TRIP12: variants seen among roughly 807,000 people sequenced by gnomAD.
TRIP12 encodes the protein E3 ubiquitin-protein ligase TRIP12.
In TRIP12, 25 loss-of-function variants were observed where a neutral mutation model predicts 244.2. The observed-to-expected ratio is 0.10, with a 90% CI of 0.07 to 0.14. The LOEUF is 0.14. Among genes scored for constraint, TRIP12 ranks in the 10% least tolerant of loss-of-function variants. The pLI is 1.00. For missense variants in TRIP12, 1,677 were observed against 2,486.4 expected, an observed-to-expected ratio of 0.67 and a Z score of 6.92; for synonymous variants, 905 against 873.1, an observed-to-expected ratio of 1.04 and a Z score of -0.64.
In TRIP12 at chr2:229,796,635, C is replaced by T. The variant is rs2042888781; in HGVS notation, c.3772G>A (p.Glu1258Lys). ...TGAAGAAATCGCTTTAATCTGATCT[C>T]TCTGCTCACAGCATCCTTTTCACTT... ...SKSEKDAVSR[E>K]IRLKRFLHVF... The change falls in exon 25 of 42, where the codon GAG becomes AAG. Residue 1258 changes from glutamate to lysine, a missense_variant. By Grantham distance (56) the Glu-to-Lys change is moderately conservative (BLOSUM62 1). Coordinates refer to ENST00000675903, the MANE Select transcript of TRIP12 (RefSeq NM_001348323.3). 1.2e-6 allele frequency: 2 copies of T among 1,611,062 alleles called. No individual in the cohort carries two copies. The highest frequency in any genetic ancestry group is 8.5e-7 in the Non-Finnish European group (1 of 1,179,240).
chr2:229,918,867 G>T (rs1228609244), intron 1 of TRIP12, among the ~76,000 whole-genome samples: 1 of 151,652 alleles, frequency 6.6e-6, no homozygotes, highest in Non-Finnish European at 1.5e-5. Flanking sequence ...TTAGCATGTT[G>T]TTTTTTTTCA....
intron 1 of TRIP12, among the ~76,000 whole-genome samples, chr2:229,889,186 A>T (rs2066753027): frequency 6.6e-6 from 1 of 152,246 alleles, no homozygotes; most frequent in Non-Finnish European, 1.5e-5. Flanking sequence ...GACAACTCCA[A>T]GTAAGGAAGT....
chr2:229,772,311 C>T (rs1249701361), intron 38 of TRIP12, among the ~76,000 whole-genome samples: 1 of 152,070 alleles, frequency 6.6e-6, no homozygotes, highest in Non-Finnish European at 1.5e-5. Context: ...TTTGAGATAA[C>T]CTTAATCTAA....
chr2:229,882,433 C>G (rs910301069), intron 1 of TRIP12, among the ~76,000 whole-genome samples: 6 of 152,094 alleles, frequency 3.9e-5, no homozygotes, highest in Non-Finnish European at 7.3e-5. Context: ...ATGCCTGTCC[C>G]CTAACCTCAG....
intron 1 of TRIP12, among the ~76,000 whole-genome samples, chr2:229,919,338 C>T (rs765165760): frequency 6.6e-6 from 1 of 151,934 alleles, no homozygotes; most frequent in Admixed American, 6.6e-5. Flanking sequence ...ATCGCTTGAA[C>T]CAGGAGGCAG....
In TRIP12 at chr2:229,797,693, G is replaced by C; in HGVS notation, c.3621C>G (p.Leu1207=). 1 of 1,613,564 alleles carries C rather than the reference G, an allele frequency of 6.2e-7. No individual in the cohort carries two copies. The highest frequency in any genetic ancestry group is 8.5e-7 in the Non-Finnish European group (1 of 1,179,734). ...CAAAATGCACTGGACACAGCACCTG[G>C]AGGTTGAGTTGTTCGGTTGCAGCAC... is the stretch of plus-strand genomic sequence containing the variant. The part of the protein sequence containing the change: ...RLCAATEQLN[L]QVDGGAECLV... Residue 1207 remains leucine (L), a synonymous_variant, in exon 24 of 42, where the codon CTC becomes CTG. Transcript: ENST00000675903.
intron 6 of TRIP12, among the ~76,000 whole-genome samples, chr2:229,836,356 T>C (rs2054816568): frequency 6.6e-6 from 1 of 152,186 alleles, no homozygotes; most frequent in Non-Finnish European, 1.5e-5. Context: ...AATGGGTACA[T>C]TATTTAAAGC....
intron 11 of TRIP12, 64 bp from the exon 12 acceptor site, chr2:229,814,389 C>G: frequency 6.7e-7 from 1 of 1,503,234 alleles, no homozygotes; most frequent in African/African-American, 1.4e-5. Flanking sequence ...AACTTATCTT[C>G]TACATATTTT....
intron 9 of TRIP12, among the ~76,000 whole-genome samples, chr2:229,817,806 C>A (rs960268656): frequency 6.6e-6 from 1 of 151,992 alleles, no homozygotes; most frequent in Admixed American, 6.6e-5. Flanking sequence ...TGTTGGCCAG[C>A]CTGGTCTCCA....
chr2:229,825,700 TC>T (rs2051366569), intron 8 of TRIP12, among the ~76,000 whole-genome samples: 1 of 152,128 alleles, frequency 6.6e-6, no homozygotes, highest in Admixed American at 6.5e-5. Flanking sequence ...ACTGTGTCCC[TC>T]CCAGTGGGGA....
At chr2:229,908,822 T>C (rs977026973) in intron 1 of TRIP12, among the ~76,000 whole-genome samples, 7 of 152,030 alleles carry the variant, frequency 4.6e-5, no homozygotes, top group African/African-American at 1.7e-4. Context: ...CCAGACATGA[T>C]GGCTCATGCC....
intron 14 of TRIP12, 35 bp downstream of exon 14, chr2:229,811,101 C>A: frequency 6.2e-7 from 1 of 1,613,574 alleles, no homozygotes; most frequent in Non-Finnish European, 8.5e-7. Flanking sequence ...AATTCAACAA[C>A]CTCATAAAAA....
chr2:229,817,027 G>A (rs2048674157), intron 9 of TRIP12, among the ~76,000 whole-genome samples: 1 of 152,184 alleles, frequency 6.6e-6, no homozygotes. Flanking sequence ...CTGGGTGGCA[G>A]GTGAAGAAAT....
At chr2:229,831,667 A>G (rs2053424537) in intron 6 of TRIP12, among the ~76,000 whole-genome samples, 1 of 152,212 alleles carries the variant, frequency 6.6e-6, no homozygotes, top group South Asian at 2.1e-4. Context: ...CAGGGCAACT[A>G]AAGTGTCAAA....
chr2:229,857,002 G>C (rs535910631), intron 4 of TRIP12, among the ~76,000 whole-genome samples: 188 of 152,228 alleles, frequency 1.2e-3, no homozygotes, highest in Non-Finnish European at 2.2e-3. Context: ...ACTATTAATA[G>C]TATTGTCATT....
chr2:229,890,679 A>G (rs1420201541), intron 1 of TRIP12, among the ~76,000 whole-genome samples: 1 of 152,180 alleles, frequency 6.6e-6, no homozygotes, highest in Non-Finnish European at 1.5e-5. Context: ...ATAGTGTCAA[A>G]TTTTTGTTTA....
At chr2:229,786,820 T>C (rs1170816163) in intron 33 of TRIP12, among the ~76,000 whole-genome samples, 2 of 152,160 alleles carry the variant, frequency 1.3e-5, no homozygotes, top group African/African-American at 2.4e-5. Context: ...ATTTTATTAC[T>C]AATGTCTCTT....
intron 1 of TRIP12, among the ~76,000 whole-genome samples, chr2:229,914,527 A>G (rs533198317): frequency 6.6e-6 from 1 of 152,360 alleles, no homozygotes; most frequent in East Asian, 1.9e-4. Context: ...TTAAATTACA[A>G]CTGAAGAGAG....
intron 2 of TRIP12, among the ~76,000 whole-genome samples, chr2:229,873,789 T>C (rs964655797): frequency 1.4e-4 from 22 of 152,160 alleles, no homozygotes; most frequent in Non-Finnish European, 2.5e-4. Context: ...TTCTCACAAT[T>C]GAGTTTTTAC....
Sources: gnomAD v4.1 joint callset for allele counts (sites outside exome capture counted in the v4.1 genomes callset) on GRCh38, gnomAD v4.1.1 for gene constraint, MANE v1.5 for transcripts, NCBI Gene and HGNC (gene_info 2026-07-23, HGNC 2026-07-21) for gene names.